Variants in FARS2 observed in about 807,000 individuals in gnomAD.
FARS2 encodes the protein phenylalanyl-tRNA synthetase 2, mitochondrial.
FARS2 carries 40 observed loss-of-function variants against 46.4 expected under a neutral mutation model. The ratio of observed to expected loss-of-function variants is 0.86; its 90% CI spans 0.67 to 1.12. The LOEUF (loss-of-function observed/expected upper bound fraction) is 1.12. FARS2 is among the 50% of genes most tolerant of loss of function. The pLI, the probability that FARS2 is intolerant of heterozygous loss-of-function variation, is 0.00. For synonymous variants in FARS2, 234 were observed against 214.9 expected, an observed-to-expected ratio of 1.09 and a Z score of -0.78; for missense variants, 513 against 567.9, an observed-to-expected ratio of 0.90 and a Z score of 0.98.
chr6:5,700,731 GAC>G (rs1302084192), intron 6 of FARS2, among the ~76,000 whole-genome samples: 4 of 152,164 alleles, frequency 2.6e-5, no homozygotes, highest in Non-Finnish European at 5.9e-5. Flanking sequence ...TGTGATCAGT[GAC>G]ACACGTTTGA....
At chr6:5,401,045 A>T (rs1761225935) in intron 2 of FARS2, among the ~76,000 whole-genome samples, 1 of 151,576 alleles carries the variant, frequency 6.6e-6, no homozygotes, top group South Asian at 2.1e-4. Flanking sequence ...TTTGTTTTTA[A>T]CATTGTTTTA....
intron 6 of FARS2, among the ~76,000 whole-genome samples, chr6:5,744,500 T>C (rs144426410): frequency 1.3e-5 from 2 of 152,306 alleles, no homozygotes; most frequent in African/African-American, 4.8e-5. Flanking sequence ...AGTTAACTTT[T>C]CCAGATCACA....
At chr6:5,428,896 A>C (rs1045334540) in intron 3 of FARS2, among the ~76,000 whole-genome samples, 1 of 152,212 alleles carries the variant, frequency 6.6e-6, no homozygotes, top group Non-Finnish European at 1.5e-5. Flanking sequence ...CGATCTCGGC[A>C]ATAAAAAGGA....
At chr6:5,285,040 C>T (rs1304780137) in intron 1 of FARS2, among the ~76,000 whole-genome samples, 1 of 152,190 alleles carries the variant, frequency 6.6e-6, no homozygotes, top group Non-Finnish European at 1.5e-5. Flanking sequence ...TGTGGAGTGC[C>T]TTCCATGTGC....
At chr6:5,283,314 A>G (rs140314709) in intron 1 of FARS2, among the ~76,000 whole-genome samples, 1 of 148,708 alleles carries the variant, frequency 6.7e-6, no homozygotes, top group East Asian at 2.0e-4. Flanking sequence ...TGGATGTTGC[A>G]GTGAGCTGAG....
intron 1 of FARS2, among the ~76,000 whole-genome samples, chr6:5,308,353 G>T (rs1283488750): frequency 6.6e-6 from 1 of 152,176 alleles, no homozygotes; most frequent in Non-Finnish European, 1.5e-5. Context: ...ATTCACAGAA[G>T]CATCACCCTG....
chr6:5,686,887 C>A lies in FARS2; in HGVS notation c.1217+73567C>A, dbSNP rs374374212. ...TGTTGTTTCCTGACTTTTTAATGAT[C>A]GCTATTCTAACTGGTGTGAGATGGT... On this transcript the variant is annotated intron_variant, in intron 6 of 6. Transcript: ENST00000274680. 5.3e-5 allele frequency among the ~76,000 whole-genome samples: 8 copies of A among 152,262 alleles called. No homozygotes were observed. In the East Asian group the frequency reaches 1.5e-3, roughly 29 times the overall value.
chr6:5,314,080 A>G (rs572420417), intron 1 of FARS2, among the ~76,000 whole-genome samples: 1 of 152,336 alleles, frequency 6.6e-6, no homozygotes, highest in Admixed American at 6.5e-5. Context: ...AGAGGGATTT[A>G]TGGCATCGAG....
intron 6 of FARS2, among the ~76,000 whole-genome samples, chr6:5,768,999 T>C (rs1270935706): frequency 6.6e-6 from 1 of 152,068 alleles, no homozygotes; most frequent in African/African-American, 2.4e-5. Flanking sequence ...AAGTTTATCA[T>C]TTTTTTTAAT....
intron 6 of FARS2, among the ~76,000 whole-genome samples, chr6:5,677,736 G>A (rs1778837547): frequency 6.6e-6 from 1 of 152,210 alleles, no homozygotes; most frequent in Admixed American, 6.5e-5. Flanking sequence ...AACAGAGTGT[G>A]TGTTCATTTC....
In FARS2 at chr6:5,598,026, C is replaced by T. The variant is rs560636820; in HGVS notation, c.1066-15143C>T. 8.5e-5 allele frequency among the ~76,000 whole-genome samples: 13 copies of T among 152,230 alleles called. No individual in the cohort carries two copies. The South Asian group carries it at 2.7e-3, about 32-fold the overall frequency. On this transcript the variant is annotated intron_variant, in intron 5 of 6. Coordinates refer to ENST00000274680, the MANE Select transcript of FARS2 (RefSeq NM_006567.5). ...AGTCCCTTGGGTCACCAAGAGTTTT[C>T]TTCCCCATCCTGTCTCCCTGCCACC...
chr6:5,697,808 A>G (rs1758194019), intron 6 of FARS2, among the ~76,000 whole-genome samples: 1 of 152,124 alleles, frequency 6.6e-6, no homozygotes, highest in Admixed American at 6.5e-5. Context: ...AGCCCTGTGA[A>G]CTCTCCTTGG....
At chr6:5,493,209 C>CAA (rs34541325) in intron 4 of FARS2, among the ~76,000 whole-genome samples, 145 of 92,748 alleles carry the variant, frequency 1.6e-3, no homozygotes, top group South Asian at 2.5e-3. Context: ...GACTGTGTCT[C>CAA]AAAAAAAAAA....
chr6:5,528,538 C>G (rs1217359323), intron 4 of FARS2, among the ~76,000 whole-genome samples: 1 of 152,176 alleles, frequency 6.6e-6, no homozygotes, highest in Non-Finnish European at 1.5e-5. Context: ...AAAGCTTGAA[C>G]TATGGAGTTA....
intron 1 of FARS2, among the ~76,000 whole-genome samples, chr6:5,297,957 G>A (rs759958374): frequency 6.6e-6 from 1 of 152,194 alleles, no homozygotes; most frequent in Non-Finnish European, 1.5e-5. Flanking sequence ...ATAAAACCAA[G>A]CAACAGTATC....
rs796115164 is a variant in FARS2 at position 5,671,909 on chromosome 6, G to C, written c.1217+58589G>C. Among the ~76,000 whole-genome samples the C allele has an allele frequency of 7.9e-5, 12 of 152,178 alleles. No individual in the cohort carries two copies. In the South Asian group the frequency reaches 2.5e-3, roughly 32 times the overall value. The stretch of plus-strand genomic sequence containing the variant: ...AGGGGGACTGTTCCCCAGAAGACAG[G>C]GACCTTGCCAGGAGAGGAAACACAA... On this transcript the variant is annotated intron_variant, in intron 6 of 6. Transcript: ENST00000274680.
At chr6:5,477,190 C>G (rs1194859306) in intron 4 of FARS2, among the ~76,000 whole-genome samples, 1 of 152,046 alleles carries the variant, frequency 6.6e-6, no homozygotes, top group Non-Finnish European at 1.5e-5. Context: ...AGAACAAAAC[C>G]AAAACCAAGT....
intron 1 of FARS2, among the ~76,000 whole-genome samples, chr6:5,280,723 C>T (rs1766660561): frequency 1.3e-5 from 2 of 151,814 alleles, no homozygotes; most frequent in Admixed American, 1.3e-4. Context: ...ATAACGTCTC[C>T]TGTCCTATTT....
At chr6:5,700,759 G>T (rs538294908) in intron 6 of FARS2, among the ~76,000 whole-genome samples, 1 of 152,244 alleles carries the variant, frequency 6.6e-6, no homozygotes, top group South Asian at 2.1e-4. Context: ...ACCTGGCTTT[G>T]GAGACAGAAA....
Sources: allele counts gnomAD v4.1 joint callset (sites outside exome capture counted in the v4.1 genomes callset), GRCh38; gene constraint gnomAD v4.1.1; transcripts MANE v1.5; gene names NCBI Gene and HGNC (gene_info 2026-07-23, HGNC 2026-07-21).